The following ELAPOR2 variants were observed in gnomAD, a reference collection of about 807,000 sequenced individuals.
The protein encoded by ELAPOR2 is endosome-lysosome associated apoptosis and autophagy regulator family member 2.
Under a neutral mutation model 120.7 loss-of-function variants are expected in ELAPOR2, and 89 were observed. The observed-to-expected ratio is 0.74, with a 90% CI of 0.62 to 0.88. The LOEUF is 0.88. ELAPOR2 is among the 40% of genes least tolerant of loss of function. The pLI, the probability that ELAPOR2 is intolerant of heterozygous loss-of-function variation, is 0.00. For missense variants in ELAPOR2, 1,134 were observed against 1,251.6 expected (o/e 0.91, Z 1.42); for synonymous variants, 444 against 444.9 (o/e 1.00, Z 0.03).
Position 86,897,552 on chromosome 7 carries a change from T to A in ELAPOR2, c.2639A>T (p.Glu880Val), listed in dbSNP as rs1788497039. Residue 880 changes from glutamate to valine, a missense_variant, in exon 19 of 22, where the codon GAG becomes GTG. By Grantham distance (121) the Glu-to-Val change is moderately radical. Around this residue, in one of 3 missense-constraint regions of ELAPOR2, gnomAD observed 831 missense variants for 867.6 expected, o/e 0.96. Coordinates refer to ENST00000450689, the MANE Select transcript of ELAPOR2 (RefSeq NM_001142749.3). ...TCCCTCAATCTCATGGAAGTCATGC[T>A]CCGTACACAGAGGGCAAGCTTCAGC... ...ESAEACPLCT[E>V]HDFHEIEGAC... 1 of 1,613,238 alleles carries A rather than the reference T, an allele frequency of 6.2e-7. No individual in the cohort carries two copies. Among genetic ancestry groups the A allele is most frequent in the African/African-American group, 1.3e-5 (1 of 74,848 alleles).
chr7:86,912,940 C>A lies in ELAPOR2; in HGVS notation c.1995+1G>T, dbSNP rs145769962. On this transcript the variant is annotated splice_donor_variant, in intron 14 of 21. Transcript: ENST00000450689. LOFTEE classifies it high-confidence loss of function. ...GATACCTGAAATGCAGACCCACTTA[C>A]CTGATTGTTTTTACTCCCAGGCCCG... 6.2e-7 allele frequency: 1 copy of A among 1,613,716 alleles called. No homozygotes were observed. The highest frequency in any genetic ancestry group is 8.5e-7 in the Non-Finnish European group (1 of 1,179,696).
intron 1 of ELAPOR2, among the ~76,000 whole-genome samples, chr7:87,055,531 C>A (rs530126504): frequency 6.6e-6 from 1 of 152,212 alleles, no homozygotes; most frequent in South Asian, 2.1e-4. Flanking sequence ...CATGTTTCTG[C>A]CCTTTTTCAA....
intron 5 of ELAPOR2, chr7:86,941,365 T>C (rs1279346056): frequency 9.4e-6 from 5 of 533,016 alleles, no homozygotes; most frequent in South Asian, 7.0e-5. Context: ...GTAATTGCCT[T>C]CAAGCATTTA....
intron 10 of ELAPOR2, chr7:86,920,998 C>A (rs953224871): frequency 3.9e-5 from 6 of 152,094 alleles, no homozygotes; most frequent in Admixed American, 3.3e-4. Context: ...GTAAATTCCC[C>A]TAATAAATGC....
chr7:86,966,302 A>G (rs577661553), intron 1 of ELAPOR2, among the ~76,000 whole-genome samples: 1 of 152,164 alleles, frequency 6.6e-6, no homozygotes, highest in Non-Finnish European at 1.5e-5. Flanking sequence ...ACATTGGAAT[A>G]AATATTTATT....
At chr7:86,946,364 T>C (rs988091733) in intron 3 of ELAPOR2, among the ~76,000 whole-genome samples, 5 of 152,186 alleles carry the variant, frequency 3.3e-5, no homozygotes, top group Admixed American at 1.3e-4. Context: ...ATCTCCTATA[T>C]GACACAACTA....
intron 2 of ELAPOR2, among the ~76,000 whole-genome samples, chr7:86,952,686 A>T (rs536684322): frequency 6.6e-6 from 1 of 152,332 alleles, no homozygotes; most frequent in East Asian, 1.9e-4. Flanking sequence ...TGCCTATAAA[A>T]GGAAAATAAT....
intron 18 of ELAPOR2, among the ~76,000 whole-genome samples, chr7:86,904,900 T>C (rs1788898045): frequency 6.6e-6 from 1 of 152,124 alleles, no homozygotes; most frequent in African/African-American, 2.4e-5. Flanking sequence ...AGGGTGGCAT[T>C]CCTTCTGCAC....
chr7:86,884,347 C>A (rs763049045), intron 21 of ELAPOR2, among the ~76,000 whole-genome samples: 10 of 152,160 alleles, frequency 6.6e-5, no homozygotes, highest in Non-Finnish European at 1.5e-5. Context: ...TCCTCATTCA[C>A]CAGGCAATCA....
intron 1 of ELAPOR2, among the ~76,000 whole-genome samples, chr7:86,992,920 A>T (rs559883218): frequency 6.6e-6 from 1 of 152,228 alleles, no homozygotes; most frequent in East Asian, 1.9e-4. Context: ...CAACTATAAA[A>T]ACTACAGAGA....
At chr7:87,007,132 T>C (rs1793508652) in intron 1 of ELAPOR2, among the ~76,000 whole-genome samples, 1 of 152,192 alleles carries the variant, frequency 6.6e-6, no homozygotes, top group African/African-American at 2.4e-5. Flanking sequence ...TTGACACAGA[T>C]ATGTGCATGT....
intron 2 of ELAPOR2, among the ~76,000 whole-genome samples, chr7:86,954,123 C>T (rs150763227): frequency 2.0e-5 from 3 of 152,294 alleles, no homozygotes; most frequent in Admixed American, 2.0e-4. Flanking sequence ...TGCTTATTCA[C>T]ACTCCACCAT....
chr7:86,981,119 G>A (rs1792462034), intron 1 of ELAPOR2, among the ~76,000 whole-genome samples: 1 of 152,070 alleles, frequency 6.6e-6, no homozygotes, highest in African/African-American at 2.4e-5. Context: ...ACTTGCAGAA[G>A]AGTCAGATCT....
intron 18 of ELAPOR2, 123 bp downstream of exon 18, chr7:86,907,547 A>C (rs968071926): frequency 2.5e-5 from 16 of 631,180 alleles, no homozygotes; most frequent in Middle Eastern, 7.2e-4. Context: ...AAAAAAAAAA[A>C]CCCTACAGAT....
chr7:86,938,080 A>C (rs954429091), intron 8 of ELAPOR2, 46 bp downstream of exon 8: 2 of 1,379,144 alleles, frequency 1.5e-6, no homozygotes, highest in Admixed American at 2.0e-5. Context: ...AATTGGAAAG[A>C]AGGTTGCAAA....
At chr7:87,049,492 T>C (rs1040092482) in intron 1 of ELAPOR2, among the ~76,000 whole-genome samples, 2 of 152,012 alleles carry the variant, frequency 1.3e-5, no homozygotes, top group Non-Finnish European at 2.9e-5. Flanking sequence ...CCGTGTTAGC[T>C]AGGATGCTCT....
chr7:87,039,121 G>A lies in ELAPOR2; in HGVS notation c.189+20204C>T, dbSNP rs112801765. Among the ~76,000 whole-genome samples the A allele has an allele frequency of 8.2e-3, 1,241 of 151,606 alleles. 19 individuals carry two copies. The highest frequency in any genetic ancestry group is 0.029 in the African/African-American group (1,193 of 41,402). ...GCAGAAATGCAAAGGATCATTAGAG[G>A]CTACTATGAGTAACTATACGCCAAC... On this transcript the variant is annotated intron_variant, in intron 1 of 21. Transcript: ENST00000450689.
chr7:86,944,678 T>C (rs951063890), intron 4 of ELAPOR2, among the ~76,000 whole-genome samples: 1 of 152,034 alleles, frequency 6.6e-6, no homozygotes, highest in Non-Finnish European at 1.5e-5. Flanking sequence ...CCCAATGTTA[T>C]GCTGCAAGGT....
At chr7:87,043,513 C>T (rs951446322) in intron 1 of ELAPOR2, among the ~76,000 whole-genome samples, 3 of 151,374 alleles carry the variant, frequency 2.0e-5, no homozygotes, top group African/African-American at 7.3e-5. Flanking sequence ...ACAAAAACCA[C>T]ATGATTATCT....
Sources: allele counts gnomAD v4.1 joint callset (sites outside exome capture counted in the v4.1 genomes callset), GRCh38; gene constraint gnomAD v4.1.1; regional missense constraint gnomAD v4.1.1; transcripts MANE v1.5; gene names NCBI Gene and HGNC (gene_info 2026-07-23, HGNC 2026-07-21).